The following CREBRF variants were observed in gnomAD, a reference collection of about 807,000 sequenced individuals.
CREBRF encodes CREB3 regulatory factor.
A neutral mutation model predicts 66.1 loss-of-function variants in CREBRF; 5 were observed. The observed-to-expected ratio is 0.08, with a 90% CI of 0.04 to 0.16. CREBRF has a LOEUF of 0.16. Ranked by LOEUF, CREBRF falls within the 10% of genes least tolerant of loss-of-function variation. The pLI is 1.00. For missense variants in CREBRF, 531 were observed against 744.9 expected, an observed-to-expected ratio of 0.71 and a Z score of 3.34; for synonymous variants, 229 against 264.4, an observed-to-expected ratio of 0.87 and a Z score of 1.30.
chr5:173,082,930 A>C (rs1377600276), intron 2 of CREBRF, among the ~76,000 whole-genome samples: 4 of 141,842 alleles, frequency 2.8e-5, no homozygotes, highest in Admixed American at 1.4e-4. Context: ...AAAAAAAAAA[A>C]AAAAAAAAAA....
intron 3 of CREBRF, among the ~76,000 whole-genome samples, chr5:173,087,002 A>G (rs2113726912): frequency 6.8e-6 from 1 of 147,196 alleles, no homozygotes; most frequent in African/African-American, 2.5e-5. Flanking sequence ...GCTGGAGTGC[A>G]GTGGTGCGAT....
At chr5:173,113,481 T>A (rs1758915034) in intron 7 of CREBRF, among the ~76,000 whole-genome samples, 1 of 152,032 alleles carries the variant, frequency 6.6e-6, no homozygotes, top group South Asian at 2.1e-4. Flanking sequence ...CTAATTTTTG[T>A]ATTTTTAGTA....
chr5:173,109,809 G>T (rs917590486), intron 5 of CREBRF: 2 of 152,722 alleles, frequency 1.3e-5, no homozygotes, highest in Admixed American at 1.3e-4. Context: ...GTACTATATT[G>T]TCTCTCAGTA....
At chr5:173,093,715 C>T (rs1758406292) in intron 4 of CREBRF, among the ~76,000 whole-genome samples, 1 of 152,144 alleles carries the variant, frequency 6.6e-6, no homozygotes, top group South Asian at 2.1e-4. Flanking sequence ...TGGGGTTTTG[C>T]CATGTTGCCC....
At chr5:173,121,329 T>TG in intron 7 of CREBRF, among the ~76,000 whole-genome samples, 1 of 102,152 alleles carries the variant, frequency 9.8e-6, no homozygotes, top group Admixed American at 8.8e-5. Flanking sequence ...GTTAACTTGC[T>TG]TTTTTTTTTT....
At chr5:173,063,600 C>G (rs1322203803) in intron 1 of CREBRF, among the ~76,000 whole-genome samples, 4 of 152,118 alleles carry the variant, frequency 2.6e-5, no homozygotes, top group Non-Finnish European at 5.9e-5. Flanking sequence ...AACTCCTGAC[C>G]TCAGGTGATC....
At chr5:173,086,686 G>GT in intron 3 of CREBRF, 60 bp downstream of exon 3, 3 of 1,480,862 alleles carry the variant, frequency 2.0e-6, no homozygotes, top group African/African-American at 1.4e-5. Context: ...TTGTGGGAGA[G>GT]TTTTTTGTTT....
chr5:173,101,375 C>T (rs1254915883), intron 4 of CREBRF, among the ~76,000 whole-genome samples: 5 of 151,654 alleles, frequency 3.3e-5, no homozygotes, highest in Admixed American at 2.0e-4. Flanking sequence ...TTTTTTCTTT[C>T]AGCACTTTGA....
At chr5:173,071,047 A>G (rs1757586440) in intron 1 of CREBRF, among the ~76,000 whole-genome samples, 1 of 152,162 alleles carries the variant, frequency 6.6e-6, no homozygotes, top group Non-Finnish European at 1.5e-5. Context: ...GATGAAAAAT[A>G]TGAGCTAAGA....
At chr5:173,127,529 G>A (rs1246858665) in intron 8 of CREBRF, among the ~76,000 whole-genome samples, 2 of 150,352 alleles carry the variant, frequency 1.3e-5, no homozygotes, top group Admixed American at 1.3e-4. Context: ...GCACGATCTC[G>A]GCTTACTGCA....
chr5:173,113,150 G>A (rs1028994928), intron 7 of CREBRF, among the ~76,000 whole-genome samples: 36 of 151,996 alleles, frequency 2.4e-4, no homozygotes, highest in Non-Finnish European at 5.3e-4. Flanking sequence ...GCACTACCAC[G>A]CCTGGCTGAT....
At chr5:173,063,607 G>A (rs1757347545) in intron 1 of CREBRF, among the ~76,000 whole-genome samples, 2 of 152,202 alleles carry the variant, frequency 1.3e-5, no homozygotes, top group East Asian at 1.9e-4. Flanking sequence ...GACCTCAGGT[G>A]ATCCACCTGC....
intron 5 of CREBRF, chr5:173,110,263 A>G: frequency 1.9e-6 from 1 of 521,110 alleles, no homozygotes; most frequent in East Asian, 3.9e-5. Context: ...TGCTGGAACT[A>G]GAAGCCTAGG....
intron 1 of CREBRF, among the ~76,000 whole-genome samples, chr5:173,077,495 C>G (rs1264859239): frequency 1.3e-5 from 2 of 151,920 alleles, no homozygotes; most frequent in Non-Finnish European, 2.9e-5. Context: ...CAGGTTCAAG[C>G]GATTCTCCTG....
chr5:173,076,556 G>T (rs1757770082), intron 1 of CREBRF, among the ~76,000 whole-genome samples: 1 of 152,088 alleles, frequency 6.6e-6, no homozygotes, highest in East Asian at 1.9e-4. Flanking sequence ...TTTGAGACCA[G>T]CCTGGCCAAC....
chr5:173,071,446 G>A (rs1196613305), intron 1 of CREBRF, among the ~76,000 whole-genome samples: 1 of 152,022 alleles, frequency 6.6e-6, no homozygotes, highest in Non-Finnish European at 1.5e-5. Flanking sequence ...CTGACCTCAG[G>A]TGATCCACCC....
intron 7 of CREBRF, among the ~76,000 whole-genome samples, chr5:173,112,647 A>AT (rs577462220): frequency 6.6e-6 from 1 of 152,110 alleles, no homozygotes; most frequent in African/African-American, 2.4e-5. Flanking sequence ...TAATTTGTTT[A>AT]TTTTTTTCTA....
intron 4 of CREBRF, among the ~76,000 whole-genome samples, chr5:173,108,389 C>T (rs1201328115): frequency 2.0e-5 from 3 of 151,870 alleles, no homozygotes; most frequent in Non-Finnish European, 4.4e-5. Flanking sequence ...AAAAGAAACC[C>T]AAGGAAGATG....
chr5:173,078,614 A>G (rs1446791978), intron 1 of CREBRF, among the ~76,000 whole-genome samples: 1 of 149,494 alleles, frequency 6.7e-6, no homozygotes, highest in African/African-American at 2.5e-5. Context: ...GCTGGAGAGC[A>G]GTGGTGCGAT....
Sources: gnomAD v4.1 joint callset for allele counts (sites outside exome capture counted in the v4.1 genomes callset) on GRCh38, gnomAD v4.1.1 for gene constraint, MANE v1.5 for transcripts, NCBI Gene and HGNC (gene_info 2026-07-23, HGNC 2026-07-21) for gene names.